Variants in RORA observed in about 807,000 individuals in gnomAD.
RORA encodes the protein RAR related orphan receptor A.
RORA carries 7 observed loss-of-function variants against 69.5 expected under a neutral mutation model. The observed-to-expected ratio is 0.10, with a 90% CI of 0.06 to 0.19. The LOEUF is 0.19. RORA is among the 10% of genes least tolerant of loss of function. The pLI is 1.00. For synonymous variants in RORA, 261 were observed against 240.8 expected, an observed-to-expected ratio of 1.08 and a Z score of -0.78; for missense variants, 457 against 663.0, an observed-to-expected ratio of 0.69 and a Z score of 3.41.
chr15:60,997,053 G>GTC (rs1894574377), intron 1 of RORA, among the ~76,000 whole-genome samples: 1 of 152,066 alleles, frequency 6.6e-6, no homozygotes, highest in East Asian at 1.9e-4. Context: ...GTGTGTGTGT[G>GTC]TGTGTGTGTG....
At chr15:60,981,196 C>T (rs1286137182) in intron 1 of RORA, among the ~76,000 whole-genome samples, 1 of 150,808 alleles carries the variant, frequency 6.6e-6, no homozygotes, top group Non-Finnish European at 1.5e-5. Flanking sequence ...AGGATTTCTT[C>T]TATATAATAA....
intron 1 of RORA, among the ~76,000 whole-genome samples, chr15:61,020,728 A>C (rs1192386216): frequency 1.3e-5 from 2 of 152,184 alleles, no homozygotes; most frequent in African/African-American, 4.8e-5. Flanking sequence ...ATTGAACTTG[A>C]AGCTGGAATT....
chr15:61,204,829 A>C (rs1345833322), intron 1 of RORA, among the ~76,000 whole-genome samples: 2 of 152,238 alleles, frequency 1.3e-5, no homozygotes, highest in Admixed American at 1.3e-4. Flanking sequence ...AGGTCTAAGA[A>C]ATAAACATAA....
At chr15:61,129,468 G>A (rs552223078) in intron 1 of RORA, among the ~76,000 whole-genome samples, 3 of 152,152 alleles carry the variant, frequency 2.0e-5, no homozygotes, top group South Asian at 2.1e-4. Flanking sequence ...GGGGATGATC[G>A]CTTAATGGGT....
chr15:60,886,160 T>G (rs966819045), intron 1 of RORA, among the ~76,000 whole-genome samples: 1 of 152,150 alleles, frequency 6.6e-6, no homozygotes, highest in Non-Finnish European at 1.5e-5. Context: ...GGAGATTACA[T>G]TTCCCCCAAA....
intron 1 of RORA, among the ~76,000 whole-genome samples, chr15:61,214,667 A>G (rs117600806): frequency 9.9e-5 from 15 of 152,256 alleles, no homozygotes; most frequent in Non-Finnish European, 2.2e-4. Context: ...GGCAGAATGC[A>G]GAGAGGGGGC....
chr15:60,855,395 A>ATGTT (rs1337888724), intron 1 of RORA, among the ~76,000 whole-genome samples: 2 of 152,172 alleles, frequency 1.3e-5, no homozygotes, highest in Non-Finnish European at 2.9e-5. Flanking sequence ...CTATAGCTAC[A>ATGTT]CAGAGCCATG....
rs201772072 is a variant in RORA at position 60,861,677 on chromosome 15, T to A, written c.167-182991A>T. Among the ~76,000 whole-genome samples the A allele has an allele frequency of 1.1e-4, 17 of 152,294 alleles. No homozygotes were observed. The East Asian group carries it at 3.3e-3, about 29-fold the overall frequency. On this transcript the variant is annotated intron_variant, in intron 1 of 10. Coordinates refer to ENST00000335670, the MANE Select transcript of RORA (RefSeq NM_134261.3). ...CTCATTCTTCATTTTAAAAGCATAA[T>A]AAATACTCTTTAAAAATTCCAAGGA... is the stretch of plus-strand genomic sequence containing the variant.
At chr15:60,903,047 T>C (rs904307270) in intron 1 of RORA, among the ~76,000 whole-genome samples, 29 of 152,244 alleles carry the variant, frequency 1.9e-4, no homozygotes, top group African/African-American at 6.3e-4. Context: ...AATTCTGGTC[T>C]TCCTCTCTGT....
At chr15:60,787,347 G>A (rs1455200942) in intron 1 of RORA, among the ~76,000 whole-genome samples, 1 of 152,204 alleles carries the variant, frequency 6.6e-6, no homozygotes, top group East Asian at 1.9e-4. Context: ...TACCCGCCTC[G>A]AATGCTAGCA....
intron 1 of RORA, among the ~76,000 whole-genome samples, chr15:61,095,427 A>G (rs988302790): frequency 5.3e-5 from 8 of 152,252 alleles, no homozygotes; most frequent in African/African-American, 1.4e-4. Flanking sequence ...TGTACTAATA[A>G]TTGTAAAGGA....
At chr15:60,872,884 T>C (rs887643073) in intron 1 of RORA, among the ~76,000 whole-genome samples, 1 of 152,140 alleles carries the variant, frequency 6.6e-6, no homozygotes, top group African/African-American at 2.4e-5. Flanking sequence ...ACATATTGTT[T>C]AGTGCTATGT....
At chr15:61,163,791 C>A (rs553558637) in intron 1 of RORA, among the ~76,000 whole-genome samples, 2 of 152,298 alleles carry the variant, frequency 1.3e-5, no homozygotes, top group South Asian at 4.1e-4. Context: ...ACACCATTCA[C>A]TGAGAGCCTT....
At chr15:60,543,397 A>AGG (rs1418109466) in intron 2 of RORA, among the ~76,000 whole-genome samples, 1 of 152,096 alleles carries the variant, frequency 6.6e-6, no homozygotes. Flanking sequence ...TCATTATTAC[A>AGG]GGGTACACAA....
chr15:61,027,842 T>A (rs1038946386), intron 1 of RORA, among the ~76,000 whole-genome samples: 1 of 152,134 alleles, frequency 6.6e-6, no homozygotes, highest in Non-Finnish European at 1.5e-5. Context: ...ATCTGCAAAA[T>A]GGTAACAGGC....
intron 7 of RORA, among the ~76,000 whole-genome samples, chr15:60,503,178 G>A (rs1190585199): frequency 6.6e-6 from 1 of 152,162 alleles, no homozygotes; most frequent in Non-Finnish European, 1.5e-5. Flanking sequence ...TTATTCATAT[G>A]TACTAAAACC....
At chr15:61,107,475 C>T (rs970299608) in intron 1 of RORA, among the ~76,000 whole-genome samples, 3 of 152,084 alleles carry the variant, frequency 2.0e-5, no homozygotes, top group Non-Finnish European at 2.9e-5. Context: ...GAGAAAATTA[C>T]ATTAAATCAG....
intron 1 of RORA, among the ~76,000 whole-genome samples, chr15:61,120,714 A>C (rs958317858): frequency 6.6e-6 from 1 of 151,744 alleles, no homozygotes; most frequent in African/African-American, 2.4e-5. Flanking sequence ...AAAAAAAAAA[A>C]AAAAACATAC....
At chr15:60,517,079 C>G (rs965013964) in intron 3 of RORA, among the ~76,000 whole-genome samples, 2 of 144,324 alleles carry the variant, frequency 1.4e-5, no homozygotes, top group African/African-American at 5.6e-5. Context: ...TGGGGCCAAT[C>G]AGATTTTATT....
Sources: gnomAD v4.1 joint callset for allele counts (sites outside exome capture counted in the v4.1 genomes callset) on GRCh38, gnomAD v4.1.1 for gene constraint, MANE v1.5 for transcripts, NCBI Gene and HGNC (gene_info 2026-07-23, HGNC 2026-07-21) for gene names.